The following MYO3B variants were observed in gnomAD, a reference collection of about 807,000 sequenced individuals.
MYO3B encodes the protein myosin IIIB, also known as myosin-IIIb.
MYO3B carries 156 observed loss-of-function variants against 174.6 expected under a neutral mutation model. The observed-to-expected ratio is 0.89, with a 90% CI of 0.78 to 1.02. The LOEUF is 1.02. Ranked by LOEUF, MYO3B falls within the 50% of genes least tolerant of loss-of-function variation. The pLI, the probability that MYO3B is intolerant of heterozygous loss-of-function variation, is 0.00. For synonymous variants in MYO3B, 563 were observed against 569.1 expected, an observed-to-expected ratio of 0.99 and a Z score of 0.15; for missense variants, 1,632 against 1,639.4, an observed-to-expected ratio of 1.00 and a Z score of 0.08.
intron 30 of MYO3B, among the ~76,000 whole-genome samples, chr2:170,529,068 C>T (rs944460173): frequency 1.3e-5 from 2 of 152,156 alleles, no homozygotes; most frequent in Non-Finnish European, 2.9e-5. Context: ...CCTGATAGCT[C>T]TCTTCTTTCT....
At chr2:170,566,245 T>C (rs1575174123) in intron 32 of MYO3B, among the ~76,000 whole-genome samples, 1 of 152,226 alleles carries the variant, frequency 6.6e-6, no homozygotes, top group Admixed American at 6.5e-5. Flanking sequence ...AATTTATTCT[T>C]AACTGTTTAT....
chr2:170,277,546 A>G (rs981741075), intron 7 of MYO3B, among the ~76,000 whole-genome samples: 1 of 152,254 alleles, frequency 6.6e-6, no homozygotes, highest in South Asian at 2.1e-4. Context: ...AAATGAAAGC[A>G]GGTCAGAGGG....
At chr2:170,223,440 T>C (rs2092921765) in intron 6 of MYO3B, among the ~76,000 whole-genome samples, 1 of 152,206 alleles carries the variant, frequency 6.6e-6, no homozygotes, top group Non-Finnish European at 1.5e-5. Flanking sequence ...AGAGTGCCAC[T>C]CGGGCATGAT....
intron 23 of MYO3B, among the ~76,000 whole-genome samples, chr2:170,446,711 G>A (rs2094845056): frequency 6.6e-6 from 1 of 152,178 alleles, no homozygotes; most frequent in South Asian, 2.1e-4. Context: ...CTCTGTAAGT[G>A]TGGGGGAAAA....
At chr2:170,539,507 A>G (rs1386786700) in intron 30 of MYO3B, among the ~76,000 whole-genome samples, 1 of 152,236 alleles carries the variant, frequency 6.6e-6, no homozygotes, top group African/African-American at 2.4e-5. Context: ...TTGTGAAATG[A>G]AAGAAGGAGG....
chr2:170,608,672 A>G (rs1019714327), intron 32 of MYO3B, among the ~76,000 whole-genome samples: 1 of 151,718 alleles, frequency 6.6e-6, no homozygotes, highest in African/African-American at 2.4e-5. Context: ...GCCCAAAGAG[A>G]GAGAGAGAGA....
intron 22 of MYO3B, among the ~76,000 whole-genome samples, chr2:170,409,003 C>T (rs1325737380): frequency 6.6e-6 from 1 of 152,004 alleles, no homozygotes; most frequent in Non-Finnish European, 1.5e-5. Flanking sequence ...TACCAGAGAC[C>T]CAGGGATGTA....
chr2:170,651,176 G>A (rs554382449), intron 32 of MYO3B, among the ~76,000 whole-genome samples: 2 of 152,200 alleles, frequency 1.3e-5, no homozygotes, highest in East Asian at 3.9e-4. Flanking sequence ...CCGACAAAAT[G>A]TATCCCACCA....
intron 32 of MYO3B, among the ~76,000 whole-genome samples, chr2:170,631,240 C>T (rs1696946705): frequency 6.6e-6 from 1 of 152,114 alleles, no homozygotes; most frequent in Non-Finnish European, 1.5e-5. Context: ...GGCAAGAGAA[C>T]TACGTGATGA....
At chr2:170,626,438 T>C (rs960491295) in intron 32 of MYO3B, among the ~76,000 whole-genome samples, 7 of 152,204 alleles carry the variant, frequency 4.6e-5, no homozygotes, top group Admixed American at 2.0e-4. Flanking sequence ...TTTGAGCCTA[T>C]GTGTGTCTCT....
chr2:170,298,150 T>A (rs981016267), intron 7 of MYO3B, among the ~76,000 whole-genome samples: 9 of 152,168 alleles, frequency 5.9e-5, no homozygotes, highest in African/African-American at 9.7e-5. Flanking sequence ...GTAATTTTTT[T>A]AAATTTCCCA....
At position 170,387,266 on chromosome 2, in the gene MYO3B, C is replaced by T; in HGVS notation, c.1535C>T (p.Ser512Phe). ...PTGVVMGARI[S>F]EYLLEKSRVI... ...GGAGTTGTGATGGGGGCAAGAATCT[C>T]TGAATATCTCCTGGAAAAATCCAGA... is the stretch of plus-strand genomic sequence containing the variant. Residue 512 changes from serine (S) to phenylalanine (F), a missense_variant, in exon 14 of 35, where the codon TCT becomes TTT. Ser to Phe is a radical substitution (Grantham distance 155). Coordinates refer to ENST00000408978, the MANE Select transcript of MYO3B (RefSeq NM_138995.5). The T allele has an allele frequency of 6.2e-7, 1 of 1,614,120 alleles. No homozygotes were observed. The highest frequency in any genetic ancestry group is 8.5e-7 in the Non-Finnish European group (1 of 1,179,978).
intron 28 of MYO3B, among the ~76,000 whole-genome samples, chr2:170,505,104 A>T (rs10210171): frequency 0.011 from 1,617 of 152,294 alleles, 32 homozygotes; most frequent in African/African-American, 0.037. Context: ...AAACGGAAAA[A>T]AAATACCCTG....
intron 28 of MYO3B, among the ~76,000 whole-genome samples, chr2:170,504,726 C>T (rs1687512207): frequency 6.6e-6 from 1 of 152,196 alleles, no homozygotes; most frequent in Admixed American, 6.5e-5. Flanking sequence ...GGTCTAGGAG[C>T]CACCATTTCA....
chr2:170,382,076 T>C lies in MYO3B; in HGVS notation c.1032T>C (p.Leu344=), dbSNP rs370018504. The C allele has an allele frequency of 6.2e-6, 10 of 1,613,486 alleles. No individual in the cohort carries two copies. In the African/African-American group the frequency reaches 1.2e-4, roughly 19 times the overall value. ...YHVEDAEKYC[L]EDDLVNLEVL... ...TGGAAGATGCTGAAAAATACTGCCT[T>C]GAGGATGATTTGGTCAACCTAGAGG... Residue 344 remains leucine, a synonymous_variant, in exon 10 of 35, where the codon CTT becomes CTC. Coordinates refer to ENST00000408978, the MANE Select transcript of MYO3B (RefSeq NM_138995.5).
chr2:170,241,465 C>T (rs1249573347), intron 7 of MYO3B, among the ~76,000 whole-genome samples: 1 of 152,196 alleles, frequency 6.6e-6, no homozygotes, highest in African/African-American at 2.4e-5. Flanking sequence ...TTGTCCTCTA[C>T]CCTAGGACGC....
intron 23 of MYO3B, among the ~76,000 whole-genome samples, chr2:170,461,334 C>T (rs768273759): frequency 6.6e-6 from 1 of 151,286 alleles, no homozygotes; most frequent in Non-Finnish European, 1.5e-5. Flanking sequence ...ATTAGCTGGG[C>T]GTGGTGGCGG....
chr2:170,186,850 A>G (rs1042733646), intron 1 of MYO3B, among the ~76,000 whole-genome samples: 1 of 152,046 alleles, frequency 6.6e-6, no homozygotes, highest in Admixed American at 6.6e-5. Flanking sequence ...CAATCTTGGT[A>G]GGTTGTATAT....
intron 32 of MYO3B, chr2:170,640,307 A>C (rs1697866564): frequency 6.6e-6 from 1 of 152,242 alleles, no homozygotes; most frequent in Non-Finnish European, 1.5e-5. Context: ...CAAGAAATAC[A>C]ACAGCCCCTT....
Sources: gnomAD v4.1 joint callset for allele counts (sites outside exome capture counted in the v4.1 genomes callset) on GRCh38, gnomAD v4.1.1 for gene constraint, MANE v1.5 for transcripts, NCBI Gene and HGNC (gene_info 2026-07-23, HGNC 2026-07-21) for gene names.